Variants in TTC31 observed in about 807,000 individuals in gnomAD.
The protein encoded by TTC31 is tetratricopeptide repeat protein 31.
TTC31 carries 59 observed loss-of-function variants against 60.4 expected under a neutral mutation model. That is an observed-to-expected ratio of 0.98 (90% confidence interval 0.79 to 1.21). TTC31 has a LOEUF of 1.21. TTC31 is among the 50% of genes most tolerant of loss of function. TTC31 has a pLI of 0.00. For missense variants in TTC31, 672 were observed against 646.9 expected, an observed-to-expected ratio of 1.04 and a Z score of -0.42; for synonymous variants, 225 against 249.6, an observed-to-expected ratio of 0.90 and a Z score of 0.93.
At position 74,491,465 on chromosome 2, in the gene TTC31, T is replaced by A. The variant is rs1323496509; in HGVS notation, c.685-16T>A. 1 of 1,611,944 alleles carries A rather than the reference T, an allele frequency of 6.2e-7. No individual in the cohort carries two copies. Among genetic ancestry groups the A allele is most frequent in the Non-Finnish European group, 8.5e-7 (1 of 1,178,692 alleles). ...TTCATCCCCACCCCCTCCCTAACTT[T>A]CCATTTTGTTCACAGGACTCACTGG... On this transcript the variant is annotated splice_polypyrimidine_tract_variant and intron_variant, in intron 7 of 12. Coordinates refer to ENST00000233623, the MANE Select transcript of TTC31 (RefSeq NM_022492.6).
At chr2:74,483,456 C>T (rs748085480) in intron 2 of TTC31, 46 bp downstream of exon 2, 2 of 1,613,730 alleles carry the variant, frequency 1.2e-6, no homozygotes, top group African/African-American at 1.3e-5. Flanking sequence ...ATTTTGGTCA[C>T]GCCTCTTTGA....
At position 74,489,307 on chromosome 2, in the gene TTC31, A is replaced by G. The variant is rs189087363; in HGVS notation, c.130-718A>G. On this transcript the variant is annotated intron_variant, in intron 2 of 12. Transcript: ENST00000233623. ...TTGAAGGTGAGGCAAGATGTGAGAAAGAAGCTCAAGAGTTAGGAGGGATTG... is the reference window on the plus strand; with the variant it reads ...TTGAAGGTGAGGCAAGATGTGAGAAGGAAGCTCAAGAGTTAGGAGGGATTG... Among the ~76,000 whole-genome samples, 143 of 152,276 alleles carry G rather than the reference A, an allele frequency of 9.4e-4. 1 individual carries two copies. The highest frequency in any genetic ancestry group is 3.4e-3 in the African/African-American group (140 of 41,512).
chr2:74,485,772 A>G (rs147445615), intron 2 of TTC31, among the ~76,000 whole-genome samples: 2 of 151,284 alleles, frequency 1.3e-5, no homozygotes, highest in East Asian at 3.9e-4. Flanking sequence ...ACCTGGCCCA[A>G]TTTTGTATTT....
intron 2 of TTC31, among the ~76,000 whole-genome samples, chr2:74,488,698 C>T: frequency 6.6e-6 from 1 of 152,190 alleles, no homozygotes; most frequent in East Asian, 1.9e-4. Context: ...GAGGCTCAGG[C>T]AGGAGGATCG....
At chr2:74,488,756 T>C (rs1412561090) in intron 2 of TTC31, among the ~76,000 whole-genome samples, 1 of 152,138 alleles carries the variant, frequency 6.6e-6, no homozygotes, top group Non-Finnish European at 1.5e-5. Context: ...AGCAAGACCC[T>C]GTCTCAGAAA....
At chr2:74,491,217 A>G in intron 6 of TTC31, 33 bp downstream of exon 6, 45 of 1,614,184 alleles carry the variant, frequency 2.8e-5, no homozygotes, top group Non-Finnish European at 3.6e-5. Flanking sequence ...AAGAGCACCA[A>G]GTGCCAGGAA....
chr2:74,484,014 T>C (rs1672779700), intron 2 of TTC31, among the ~76,000 whole-genome samples: 1 of 148,766 alleles, frequency 6.7e-6, no homozygotes, highest in Non-Finnish European at 1.5e-5. Flanking sequence ...GGGGGGCGGA[T>C]CACTTGAGGT....
chr2:74,484,599 C>CA (rs1485230821), intron 2 of TTC31, among the ~76,000 whole-genome samples: 1 of 152,052 alleles, frequency 6.6e-6, no homozygotes, highest in Non-Finnish European at 1.5e-5. Flanking sequence ...GCTGGGACTA[C>CA]AGGCACATGC....
rs564514408 is a variant in TTC31 at position 74,493,305 on chromosome 2, A to T, written c.*87A>T. Reference sequence around the variant, plus strand: ...TGGTGACAGTTCACTGCATATTTTGAGACCTTATTCTCTAGATCCATAGTT... The same window carrying T: ...TGGTGACAGTTCACTGCATATTTTGTGACCTTATTCTCTAGATCCATAGTT... On this transcript the variant is annotated 3_prime_UTR_variant, in exon 13 of 13. Transcript: ENST00000233623. 7.3e-7 allele frequency: 1 copy of T among 1,366,580 alleles called. No homozygotes were observed. The highest frequency in any genetic ancestry group is 1.0e-6 in the Non-Finnish European group (1 of 994,806). The allele number at this position is 1,366,580 out of a possible 1,614,324, so 84.7% of individuals were successfully genotyped here.
In TTC31 at chr2:74,492,916, T is replaced by A. The variant is rs1674103094; in HGVS notation, c.1264-6T>A. ...GGATCTGGTGCCCTTCTCTCTCCCT[T>A]CTCAGCAGGGTCAGCGAGGAGGAAT... On this transcript the variant is annotated splice_region_variant and splice_polypyrimidine_tract_variant and intron_variant, in intron 12 of 12. Transcript: ENST00000233623. 2 of 1,597,896 alleles carry A rather than the reference T, an allele frequency of 1.3e-6. No homozygotes were observed. The highest frequency in any genetic ancestry group is 4.5e-5 in the East Asian group (2 of 44,538).
chr2:74,484,005 G>C (rs535414190), intron 2 of TTC31, among the ~76,000 whole-genome samples: 1 of 150,712 alleles, frequency 6.6e-6, no homozygotes, highest in African/African-American at 2.4e-5. Context: ...GGAGGCCTAG[G>C]GGGGCGGATC....
At chr2:74,485,065 C>T (rs1340808643) in intron 2 of TTC31, among the ~76,000 whole-genome samples, 20 of 140,972 alleles carry the variant, frequency 1.4e-4, no homozygotes, top group African/African-American at 3.7e-4. Flanking sequence ...CTCACACTGT[C>T]GCCCAGGCTG....
rs1369244384 is a variant in TTC31, at chr2:74,493,299, A to G, written c.*81A>G. On this transcript the variant is annotated 3_prime_UTR_variant, in exon 13 of 13. Transcript: ENST00000233623. ...ATAGTGTGGTGACAGTTCACTGCAT[A>G]TTTTGAGACCTTATTCTCTAGATCC... 2 of 1,394,066 alleles carry G rather than the reference A, an allele frequency of 1.4e-6. No homozygotes were observed. The highest frequency in any genetic ancestry group is 1.3e-5 in the South Asian group (1 of 79,596). The allele number at this position is 1,394,066 out of a possible 1,614,324, so 86.4% of individuals were successfully genotyped here.
intron 2 of TTC31, among the ~76,000 whole-genome samples, chr2:74,488,414 G>A (rs917883254): frequency 8.5e-5 from 13 of 152,086 alleles, no homozygotes; most frequent in African/African-American, 2.4e-4. Flanking sequence ...GCTTCTAAGC[G>A]TCTCAGTCAG....
intron 5 of TTC31, 26 bp from the exon 6 acceptor site, chr2:74,491,102 C>G: frequency 6.2e-7 from 1 of 1,614,038 alleles, no homozygotes; most frequent in Non-Finnish European, 8.5e-7. Context: ...GTTCAAAATA[C>G]ATCATTGTTA....
At chr2:74,487,032 A>G (rs768499310) in intron 2 of TTC31, among the ~76,000 whole-genome samples, 1 of 152,208 alleles carries the variant, frequency 6.6e-6, no homozygotes, top group African/African-American at 2.4e-5. Context: ...AAGCCCTAAG[A>G]TGGGAGCACA....
Position 74,492,038 on chromosome 2 carries a change from A to G in TTC31, c.911A>G (p.Gln304Arg), listed in dbSNP as rs760432703. The stretch of plus-strand genomic sequence containing the variant: ...GGACTGCTGGCAGCTGCCTTACAAC[A>G]GAGCCAGGAACTGGCAAGTGAGATC... The part of the protein sequence containing the change: ...SPGLLAAALQ[Q>R]SQELAKLGTS... Residue 304 changes from glutamine to arginine, a missense_variant, in exon 9 of 13, where the codon CAG (glutamine) becomes CGG (arginine). Transcript: ENST00000233623. 27 of 1,614,130 alleles carry G rather than the reference A, an allele frequency of 1.7e-5. No homozygotes were observed. Among genetic ancestry groups the G allele is most frequent in the Admixed American group, 3.3e-5 (2 of 60,014 alleles).
chr2:74,490,057 G>T lies in TTC31; in HGVS notation c.162G>T (p.Glu54Asp). ...DIVDFLRRLV[E>D]SDPQGLHRIH... ...TGGATTTTCTTCGACGGCTTGTGGA[G>T]AGTGATCCCCAGGGCCTGCACCGGA... The change falls in exon 3 of 13, where the codon GAG (glutamate) becomes GAT (aspartate). Residue 54 changes from glutamate (E) to aspartate (D), a missense_variant. By Grantham distance (45) the Glu-to-Asp change is conservative. Transcript: ENST00000233623. 1 of 1,575,766 alleles carries T rather than the reference G, an allele frequency of 6.3e-7. No homozygotes were observed. Among genetic ancestry groups the T allele is most frequent in the South Asian group, 1.2e-5 (1 of 86,488 alleles).
chr2:74,491,805 A>G, intron 8 of TTC31, 133 bp downstream of exon 8: 3 of 1,386,078 alleles, frequency 2.2e-6, no homozygotes, highest in Non-Finnish European at 3.0e-6. Flanking sequence ...AGAGACCTAC[A>G]GTCAGGCCCC....
Sources: gnomAD v4.1 joint callset for allele counts (sites outside exome capture counted in the v4.1 genomes callset) on GRCh38, gnomAD v4.1.1 for gene constraint, MANE v1.5 for transcripts, NCBI Gene and HGNC (gene_info 2026-07-23, HGNC 2026-07-21) for gene names.